Variants in H2BC12 observed in about 807,000 individuals in gnomAD.
H2BC12 encodes the protein histone H2B type 1-K.
A neutral mutation model predicts 6.3 loss-of-function variants in H2BC12; 6 were observed. The ratio of observed to expected loss-of-function variants is 0.95; its 90% confidence interval spans 0.52 to 1.87. The LOEUF (loss-of-function observed/expected upper bound fraction) is 1.87. Among genes scored for constraint, H2BC12 ranks in the 40% most tolerant of loss-of-function variants. H2BC12 has a pLI of 0.01. For missense variants in H2BC12, 119 were observed against 178.4 expected (o/e 0.67, Z 1.90); for synonymous variants, 132 against 78.5 (o/e 1.68, Z -3.60).
downstream of H2BC12, among the ~76,000 whole-genome samples, chr6:27,143,944 ATAAGT>A (rs1359088382): frequency 3.9e-5 from 6 of 152,214 alleles, no homozygotes; most frequent in Admixed American, 2.0e-4. Flanking sequence ...ATACAAATAA[ATAAGT>A]TAAAAGAGCC....
At chr6:27,139,281 C>T in the H2BC12 span, 17 of 1,566,334 alleles carry the variant, frequency 1.1e-5, no homozygotes, top group Middle Eastern at 1.7e-4. Flanking sequence ...TCACAGGCAG[C>T]AGACCTTTGT....
chr6:27,144,460 TGGGGGGGG>T (rs59570458), downstream of H2BC12, among the ~76,000 whole-genome samples: 8 of 17,636 alleles, frequency 4.5e-4, 1 homozygote, highest in South Asian at 0.025. Context: ...AGACTCTGTC[TGGGGGGGG>T]GGGGGGGGGC....
chr6:27,139,787 A>AT, the H2BC12 span: 1 of 1,190,090 alleles, frequency 8.4e-7, no homozygotes, highest in African/African-American at 1.5e-5. Context: ...AAATGGGCTG[A>AT]TGACTACAGG....
At chr6:27,141,104 T>C in the H2BC12 span, among the ~76,000 whole-genome samples, 1 of 151,312 alleles carries the variant, frequency 6.6e-6, no homozygotes, top group African/African-American at 2.4e-5. Context: ...TTGGCTTGAA[T>C]TGGATAGTAA....
downstream of H2BC12, among the ~76,000 whole-genome samples, chr6:27,145,054 GTATAGA>G (rs1562027643): frequency 7.9e-5 from 12 of 151,974 alleles, no homozygotes; most frequent in Non-Finnish European, 1.5e-5. Flanking sequence ...TCCTATATAG[GTATAGA>G]TATAGATCAG....
At chr6:27,142,472 C>T (rs576927872), downstream of H2BC12, among the ~76,000 whole-genome samples, 421 of 151,540 alleles carry the variant, frequency 2.8e-3, 2 homozygotes, top group African/African-American at 9.9e-3. Flanking sequence ...ACATGTTGGC[C>T]AGGCTGGTCT....
downstream of H2BC12, among the ~76,000 whole-genome samples, chr6:27,145,595 C>T (rs943196867): frequency 6.6e-6 from 1 of 152,190 alleles, no homozygotes; most frequent in African/African-American, 2.4e-5. Flanking sequence ...CTTCTTGCTT[C>T]GGGGCGGACT....
chr6:27,138,709 AAGTT>A, the H2BC12 span: 1 of 152,182 alleles, frequency 6.6e-6, no homozygotes, highest in Admixed American at 6.5e-5. Context: ...AAACAGGACA[AAGTT>A]AGAGGGACCT....
chr6:27,142,802 A>G (rs1035294384), downstream of H2BC12, among the ~76,000 whole-genome samples: 3 of 151,034 alleles, frequency 2.0e-5, no homozygotes, highest in Non-Finnish European at 4.4e-5. Context: ...ATGCCCAACT[A>G]ATTTTTGTAT....
At chr6:27,139,473 C>G in the H2BC12 span, 7 of 1,614,180 alleles carry the variant, frequency 4.3e-6, no homozygotes, top group Non-Finnish European at 5.9e-6. Context: ...ATGAGGAGAC[C>G]CGCGGAGTGT....
chr6:27,145,940 T>TA (rs1335433474), downstream of H2BC12, among the ~76,000 whole-genome samples: 4 of 152,102 alleles, frequency 2.6e-5, no homozygotes, highest in Admixed American at 2.6e-4. Flanking sequence ...AGAGGTTAAA[T>TA]AAGGTAACTG....
chr6:27,139,408 G>C, the H2BC12 span: 1 of 1,614,246 alleles, frequency 6.2e-7, no homozygotes, highest in Non-Finnish European at 8.5e-7. Flanking sequence ...CACCAAGCCA[G>C]CCATTCGGCG....
chr6:27,139,850 A>C, the H2BC12 span: 1 of 640,020 alleles, frequency 1.6e-6, no homozygotes, highest in African/African-American at 1.9e-5. Context: ...CTGGCCAGTA[A>C]CTTCTGGCGG....
chr6:27,145,329 CACACACACAA>C (rs1760059444), downstream of H2BC12, among the ~76,000 whole-genome samples: 1 of 150,652 alleles, frequency 6.6e-6, no homozygotes, highest in Non-Finnish European at 1.5e-5. Flanking sequence ...CACACACACA[CACACACACAA>C]AATTCCCCTG....
At chr6:27,146,254 T>C (rs189635978), downstream of H2BC12, among the ~76,000 whole-genome samples, 31 of 152,372 alleles carry the variant, frequency 2.0e-4, no homozygotes, top group Admixed American at 6.5e-4. Flanking sequence ...TTACAAGCAC[T>C]GCATGCATTA....
the H2BC12 span, chr6:27,139,199 A>C: frequency 8.1e-7 from 1 of 1,241,682 alleles, no homozygotes; most frequent in Non-Finnish European, 1.1e-6. Context: ...CCCAATGCAG[A>C]GGGACTTCCC....
downstream of H2BC12, among the ~76,000 whole-genome samples, chr6:27,145,489 T>C (rs1181275714): frequency 6.6e-6 from 1 of 152,152 alleles, no homozygotes; most frequent in Non-Finnish European, 1.5e-5. Context: ...TAGCCTCTAA[T>C]CACACAATAA....
Position 27,146,799 on chromosome 6 carries a change from G to GA in H2BC12, c.-2_-1insT. 1 of 1,613,728 alleles carries GA rather than the reference G, an allele frequency of 6.2e-7. No individual in the cohort carries two copies. Among genetic ancestry groups the GA allele is most frequent in the Non-Finnish European group, 8.5e-7 (1 of 1,179,824 alleles). Reference sequence around the variant, plus strand: ...GAGCGGACTTCGCTGGTTCCGGCATGTTGAAGGCGAACTACGAGCCTGAGA... The same window carrying GA: ...GAGCGGACTTCGCTGGTTCCGGCATGATTGAAGGCGAACTACGAGCCTGAGA... On this transcript the variant is annotated 5_prime_UTR_variant, in exon 1 of 1. Transcript: ENST00000356950.
In H2BC12 at chr6:27,146,855, T is replaced by C. The variant is rs1195629232; in HGVS notation, c.-57A>G. ...AGCAGATCGAGAAAACGGGAAGTAA[T>C]GGGAGCAAGGTACCAGGAGTCGTTT... On this transcript the variant is annotated 5_prime_UTR_variant, in exon 1 of 1. Coordinates refer to ENST00000356950, the MANE Select transcript of H2BC12 (RefSeq NM_001312653.2). 7.5e-6 allele frequency: 12 copies of C among 1,594,184 alleles called. No homozygotes were observed. Among genetic ancestry groups the C allele is most frequent in the African/African-American group, 1.3e-5 (1 of 74,136 alleles).
Sources: allele counts gnomAD v4.1 joint callset (sites outside exome capture counted in the v4.1 genomes callset), GRCh38; gene constraint gnomAD v4.1.1; transcripts MANE v1.5; gene names NCBI Gene and HGNC (gene_info 2026-07-23, HGNC 2026-07-21).